BCKDHA: variants seen among roughly 807,000 people sequenced by gnomAD.
BCKDHA encodes the protein branched chain keto acid dehydrogenase E1 subunit alpha, also known as 2-oxoisovalerate dehydrogenase subunit alpha, mitochondrial.
In BCKDHA, 43 loss-of-function variants were observed where a neutral mutation model predicts 52.2. The observed-to-expected ratio is 0.82, with a 90% confidence interval of 0.64 to 1.06. The LOEUF (loss-of-function observed/expected upper bound fraction) is 1.06. Among genes scored for constraint, BCKDHA ranks in the 50% least tolerant of loss-of-function variants. BCKDHA has a pLI of 0.00. For synonymous variants in BCKDHA, 234 were observed against 247.9 expected, an observed-to-expected ratio of 0.94 and a Z score of 0.53; for missense variants, 527 against 621.3, an observed-to-expected ratio of 0.85 and a Z score of 1.61.
intron 3 of BCKDHA, among the ~76,000 whole-genome samples, chr19:41,412,646 A>G (rs2039269117): frequency 6.7e-6 from 1 of 148,376 alleles, no homozygotes; most frequent in Non-Finnish European, 1.5e-5. Flanking sequence ...CCAAAATGGT[A>G]GGATTATAGG....
At chr19:41,408,487 CTAAGAGTCCCAG>C (rs1438303651) in intron 1 of BCKDHA, among the ~76,000 whole-genome samples, 1 of 152,118 alleles carries the variant, frequency 6.6e-6, no homozygotes, top group Non-Finnish European at 1.5e-5. Context: ...AGCTCCAGAG[CTAAGAGTCCCAG>C]TGGGTTCATA....
At chr19:41,407,648 A>G (rs2039207758) in intron 1 of BCKDHA, among the ~76,000 whole-genome samples, 1 of 152,204 alleles carries the variant, frequency 6.6e-6, no homozygotes, top group Non-Finnish European at 1.5e-5. Context: ...TACAAATGCA[A>G]ATAAATACAC....
chr19:41,406,222 A>G (rs892680390), intron 1 of BCKDHA, among the ~76,000 whole-genome samples: 1 of 152,138 alleles, frequency 6.6e-6, no homozygotes, highest in South Asian at 2.1e-4. Flanking sequence ...CCGTGAAGAT[A>G]GCTGTCCAGC....
chr19:41,404,736 GGT>G (rs1223659823), intron 1 of BCKDHA, among the ~76,000 whole-genome samples: 1 of 152,124 alleles, frequency 6.6e-6, no homozygotes, highest in African/African-American at 2.4e-5. Flanking sequence ...TGGGACTATA[GGT>G]GCGTGCCACC....
chr19:41,402,921 G>A (rs1011736076), intron 1 of BCKDHA, among the ~76,000 whole-genome samples: 1 of 149,372 alleles, frequency 6.7e-6, no homozygotes, highest in African/African-American at 2.6e-5. Context: ...GGTTACAGGC[G>A]TGAGCCACCA....
intron 4 of BCKDHA, among the ~76,000 whole-genome samples, chr19:41,417,335 T>C (rs1035063107): frequency 3.3e-5 from 5 of 152,094 alleles, no homozygotes; most frequent in Non-Finnish European, 7.4e-5. Context: ...TTTTAGCACG[T>C]TCCCCTGCCC....
At chr19:41,407,745 G>A (rs926780084) in intron 1 of BCKDHA, among the ~76,000 whole-genome samples, 1 of 152,240 alleles carries the variant, frequency 6.6e-6, no homozygotes, top group African/African-American at 2.4e-5. Context: ...GAGCACGCAT[G>A]TGTGAGATCC....
chr19:41,410,408 T>A (rs75747655), intron 1 of BCKDHA, among the ~76,000 whole-genome samples: 1 of 152,176 alleles, frequency 6.6e-6, no homozygotes, highest in Non-Finnish European at 1.5e-5. Flanking sequence ...ACTGTTTTCA[T>A]CCCAGTTTTT....
intron 1 of BCKDHA, among the ~76,000 whole-genome samples, chr19:41,398,444 A>G (rs951587371): frequency 2.6e-5 from 4 of 152,216 alleles, no homozygotes; most frequent in Non-Finnish European, 5.9e-5. Context: ...TGAATTGTGT[A>G]AAAAATTTGT....
At chr19:41,417,379 A>G (rs915767571) in intron 4 of BCKDHA, among the ~76,000 whole-genome samples, 32 of 152,052 alleles carry the variant, frequency 2.1e-4, no homozygotes, top group African/African-American at 7.5e-4. Flanking sequence ...TGGACCTAGT[A>G]CCACATTCTG....
At chr19:41,403,784 TCA>T (rs1400906860) in intron 1 of BCKDHA, among the ~76,000 whole-genome samples, 4 of 152,168 alleles carry the variant, frequency 2.6e-5, no homozygotes, top group Non-Finnish European at 5.9e-5. Context: ...GCACGCAGGT[TCA>T]CAGAGACTGG....
intron 1 of BCKDHA, among the ~76,000 whole-genome samples, chr19:41,401,749 C>G (rs1159347753): frequency 6.6e-6 from 1 of 152,182 alleles, no homozygotes; most frequent in African/African-American, 2.4e-5. Context: ...CTGACCCTAG[C>G]TAGTGGGGTG....
At chr19:41,408,571 T>C (rs10416743) in intron 1 of BCKDHA, among the ~76,000 whole-genome samples, 97,603 of 151,832 alleles carry the variant, frequency 0.64, 32,642 homozygotes, top group African/African-American at 0.82. Flanking sequence ...ATTCCTCATC[T>C]GACCTGAGGA....
At position 41,419,314 on chromosome 19, in the gene BCKDHA, GT is replaced by G. The variant is rs1305778355; in HGVS notation, c.646+19del. 2 of 1,606,444 alleles carry G rather than the reference GT, an allele frequency of 1.2e-6. No homozygotes were observed. The highest frequency in any genetic ancestry group is 2.7e-5 in the African/African-American group (2 of 74,734). ...CCCTCAGGGTGAGGATGCATGCCCTGTACCTTGCACATGTGCAGACCAATGT... is the reference window on the plus strand; with the variant it reads ...CCCTCAGGGTGAGGATGCATGCCCTGACCTTGCACATGTGCAGACCAATGT... On this transcript the variant is annotated intron_variant, in intron 5 of 8. Coordinates refer to ENST00000269980, the MANE Select transcript of BCKDHA (RefSeq NM_000709.4).
intron 4 of BCKDHA, among the ~76,000 whole-genome samples, chr19:41,418,290 G>C (rs1313958241): frequency 6.6e-6 from 1 of 152,110 alleles, no homozygotes. Context: ...TTGGTGTGAA[G>C]GTTGTCCCAC....
chr19:41,414,272 G>A, intron 4 of BCKDHA, 115 bp downstream of exon 4: 2 of 1,063,446 alleles, frequency 1.9e-6, no homozygotes, highest in South Asian at 2.7e-5. Flanking sequence ...GCTGGAAGAA[G>A]AGCTTTCCAA....
At chr19:41,398,376 A>G (rs1046022798) in intron 1 of BCKDHA, among the ~76,000 whole-genome samples, 4 of 152,246 alleles carry the variant, frequency 2.6e-5, no homozygotes, top group African/African-American at 9.6e-5. Flanking sequence ...GGTCCCTGTC[A>G]CAGGCTGCAT....
At chr19:41,414,264 T>C in intron 4 of BCKDHA, 107 bp downstream of exon 4, 1 of 1,114,926 alleles carries the variant, frequency 9.0e-7, no homozygotes, top group Non-Finnish European at 1.3e-6. Flanking sequence ...TCTAAGGAGC[T>C]GGAAGAAGAG....
At chr19:41,411,070 T>G in intron 3 of BCKDHA, 61 bp downstream of exon 3, 2 of 1,566,336 alleles carry the variant, frequency 1.3e-6, no homozygotes, top group Non-Finnish European at 1.8e-6. Context: ...CTACCTGTGT[T>G]TGGGCCAAAG....
Sources: gnomAD v4.1 joint callset for allele counts (sites outside exome capture counted in the v4.1 genomes callset) on GRCh38, gnomAD v4.1.1 for gene constraint, MANE v1.5 for transcripts, NCBI Gene and HGNC (gene_info 2026-07-23, HGNC 2026-07-21) for gene names.